GRID2: variants seen among roughly 807,000 people sequenced by gnomAD.
The protein encoded by GRID2 is glutamate receptor ionotropic, delta-2.
Under a neutral mutation model 114.8 loss-of-function variants are expected in GRID2, and 33 were observed. The observed-to-expected ratio is 0.29, with a 90% CI of 0.22 to 0.38. The LOEUF (loss-of-function observed/expected upper bound fraction) is 0.38, where lower values mean the gene tolerates loss of function less well. Ranked by LOEUF, GRID2 falls within the 10% of genes least tolerant of loss-of-function variation. The pLI, the probability that GRID2 is intolerant of heterozygous loss-of-function variation, is 1.00. For synonymous variants in GRID2, 505 were observed against 449.9 expected (o/e 1.12, Z -1.55); for missense variants, 1,184 against 1,257.7 (o/e 0.94, Z 0.89).
At chr4:93,432,270 G>C (rs917818123) in intron 10 of GRID2, among the ~76,000 whole-genome samples, 1 of 152,184 alleles carries the variant, frequency 6.6e-6, no homozygotes, top group Non-Finnish European at 1.5e-5. Context: ...CCAAGTCTAG[G>C]AGCAGAGATG....
At chr4:93,097,621 A>G (rs1375775167) in intron 3 of GRID2, among the ~76,000 whole-genome samples, 1 of 151,956 alleles carries the variant, frequency 6.6e-6, no homozygotes, top group African/African-American at 2.4e-5. Context: ...GCTTCTGATA[A>G]GCCAGCTTTG....
At chr4:92,448,718 T>A (rs1286098576) in intron 1 of GRID2, among the ~76,000 whole-genome samples, 1 of 152,096 alleles carries the variant, frequency 6.6e-6, no homozygotes, top group East Asian at 1.9e-4. Context: ...TTCCAAAAAT[T>A]TCAATTATTA....
intron 1 of GRID2, among the ~76,000 whole-genome samples, chr4:92,380,756 C>T (rs1380105990): frequency 6.6e-6 from 1 of 151,962 alleles, no homozygotes; most frequent in African/African-American, 2.4e-5. Flanking sequence ...TTAGTTCACT[C>T]TTCAGGGTAC....
chr4:93,365,920 C>T (rs1049290197), intron 8 of GRID2, among the ~76,000 whole-genome samples: 7 of 152,246 alleles, frequency 4.6e-5, no homozygotes, highest in Admixed American at 2.6e-4. Flanking sequence ...ACTGCAATCT[C>T]TAAACATAAA....
chr4:93,412,004 G>GT (rs1354264141), intron 9 of GRID2, among the ~76,000 whole-genome samples: 1 of 151,534 alleles, frequency 6.6e-6, no homozygotes, highest in African/African-American at 2.4e-5. Context: ...GCTATTCTTG[G>GT]TTTTTTAAAA....
At chr4:92,644,580 T>C (rs1731520659) in intron 2 of GRID2, among the ~76,000 whole-genome samples, 1 of 151,730 alleles carries the variant, frequency 6.6e-6, no homozygotes, top group African/African-American at 2.4e-5. Context: ...GTAGCTAGAC[T>C]TGTGTTCCTT....
intron 8 of GRID2, among the ~76,000 whole-genome samples, chr4:93,391,566 G>A (rs1764854689): frequency 6.6e-6 from 1 of 152,044 alleles, no homozygotes; most frequent in Non-Finnish European, 1.5e-5. Context: ...AATTCCATTT[G>A]GTATTCAATT....
intron 13 of GRID2, among the ~76,000 whole-genome samples, chr4:93,544,037 C>T (rs1732939046): frequency 6.6e-6 from 1 of 152,164 alleles, no homozygotes; most frequent in African/African-American, 2.4e-5. Context: ...CTCTATATTA[C>T]ATCAAATACT....
At chr4:92,328,033 T>C (rs1022818302) in intron 1 of GRID2, among the ~76,000 whole-genome samples, 4 of 152,092 alleles carry the variant, frequency 2.6e-5, no homozygotes, top group African/African-American at 9.6e-5. Context: ...TATATGTTAA[T>C]GTATAAAGTG....
chr4:93,388,100 G>A (rs1191098418), intron 8 of GRID2, among the ~76,000 whole-genome samples: 1 of 152,004 alleles, frequency 6.6e-6, no homozygotes, highest in Non-Finnish European at 1.5e-5. Flanking sequence ...TAAAAGAGAG[G>A]AACATGATTC....
intron 14 of GRID2, among the ~76,000 whole-genome samples, chr4:93,764,264 T>G (rs911797247): frequency 1.3e-5 from 2 of 152,168 alleles, no homozygotes; most frequent in African/African-American, 4.8e-5. Flanking sequence ...AAGAAATCAG[T>G]GCAATTTTCA....
At chr4:93,379,030 C>T (rs1220278449) in intron 8 of GRID2, among the ~76,000 whole-genome samples, 1 of 151,960 alleles carries the variant, frequency 6.6e-6, no homozygotes, top group Non-Finnish European at 1.5e-5. Flanking sequence ...AAGAGTGATA[C>T]CTGTTTTTTT....
chr4:93,773,402 G>T lies in GRID2; in HGVS notation c.*904G>T, dbSNP rs1056485610. ...GGTTGCTTTAATGTTATTCTGACTCGCATTGTTTGCCAACAGAAAATATTT... is the reference window on the plus strand; with the variant it reads ...GGTTGCTTTAATGTTATTCTGACTCTCATTGTTTGCCAACAGAAAATATTT... On this transcript the variant is annotated 3_prime_UTR_variant, in exon 16 of 16. Coordinates refer to ENST00000282020, the MANE Select transcript of GRID2 (RefSeq NM_001510.4). The T allele has an allele frequency of 6.6e-6, 1 of 152,022 alleles. No homozygotes were observed. The highest frequency in any genetic ancestry group is 1.5e-5 in the Non-Finnish European group (1 of 67,970). The allele number at this position is 152,022 out of a possible 1,614,324, so 9.4% of individuals were successfully genotyped here.
At chr4:93,780,082 G>A (rs1330348740) in intron 1 of GRID2, among the ~76,000 whole-genome samples, 1 of 152,222 alleles carries the variant, frequency 6.6e-6, no homozygotes, top group Non-Finnish European at 1.5e-5. Context: ...AAGCCAGAAA[G>A]TAAGTGAAGG....
chr4:93,431,646 G>A (rs969965927), intron 10 of GRID2, among the ~76,000 whole-genome samples: 3 of 152,088 alleles, frequency 2.0e-5, no homozygotes, highest in African/African-American at 7.2e-5. Context: ...AAAATGACAT[G>A]CATATGTATT....
intron 2 of GRID2, among the ~76,000 whole-genome samples, chr4:93,005,686 G>A (rs1721441806): frequency 6.6e-6 from 1 of 152,000 alleles, no homozygotes; most frequent in Non-Finnish European, 1.5e-5. Flanking sequence ...AAAAGTCATA[G>A]TATATACATG....
chr4:93,513,205 C>T (rs1302568039), intron 12 of GRID2, among the ~76,000 whole-genome samples: 1 of 152,134 alleles, frequency 6.6e-6, no homozygotes, highest in East Asian at 1.9e-4. Flanking sequence ...CTGGTCTTCA[C>T]CTTTGTATTT....
intron 2 of GRID2, among the ~76,000 whole-genome samples, chr4:92,687,701 C>T (rs981704367): frequency 9.2e-5 from 14 of 151,936 alleles, no homozygotes; most frequent in African/African-American, 2.7e-4. Flanking sequence ...TTGTGGCCCG[C>T]GCCTATAATC....
chr4:92,963,071 C>A (rs140666230), intron 2 of GRID2, among the ~76,000 whole-genome samples: 1 of 151,928 alleles, frequency 6.6e-6, no homozygotes, highest in Non-Finnish European at 1.5e-5. Context: ...AACATGAATA[C>A]CTTAATTTAA....
Sources: gnomAD v4.1 joint callset for allele counts (sites outside exome capture counted in the v4.1 genomes callset) on GRCh38, gnomAD v4.1.1 for gene constraint, MANE v1.5 for transcripts, NCBI Gene and HGNC (gene_info 2026-07-23, HGNC 2026-07-21) for gene names.